Variants in RBMX2 observed in about 807,000 individuals in gnomAD.
The protein encoded by RBMX2 is RNA binding motif protein X-linked 2.
For synonymous variants in RBMX2, 77 were observed against 94.3 expected, an observed-to-expected ratio of 0.82 and a Z score of 1.07; for missense variants, 191 against 256.0, an observed-to-expected ratio of 0.75 and a Z score of 1.73.
Position 130,412,714 on chromosome X carries a change from T to TG in RBMX2, c.837dup (p.Tyr280ValfsTer2). The TG allele has an allele frequency of 8.3e-7, 1 of 1,210,575 alleles. No individual in the cohort carries two copies. Among genetic ancestry groups the TG allele is most frequent in the Non-Finnish European group, 1.1e-6 (1 of 895,230 alleles). ...GCGGAGCTCAGATGCACATTCTAGC[T>TG]GGTATAATGGGCGTTCTGAAGGGCG... On this transcript the variant is annotated frameshift_variant, in exon 6 of 6. Coordinates refer to ENST00000305536, the MANE Select transcript of RBMX2 (RefSeq NM_016024.4). LOFTEE classifies it low-confidence loss of function (END_TRUNC).
rs1569460456 is a variant in RBMX2 at position 130,411,400 on chromosome X, A to G, written c.356A>G (p.Lys119Arg). ...VDHVSNYRAP[K>R]DSEEIDDVTR... Reference sequence around the variant, plus strand: ...CATGTGTCTAACTATCGGGCTCCTAAGGACTCAGAAGAAATAGATGATGTG... The same window carrying G: ...CATGTGTCTAACTATCGGGCTCCTAGGGACTCAGAAGAAATAGATGATGTG... Residue 119 changes from lysine (K) to arginine (R), a missense_variant, in exon 5 of 6, where the codon AAG becomes AGG. Physicochemically the swap from Lys to Arg is conservative, Grantham distance 26. Coordinates refer to ENST00000305536, the MANE Select transcript of RBMX2 (RefSeq NM_016024.4). 1 of 1,208,672 alleles carries G rather than the reference A, an allele frequency of 8.3e-7. No individual in the cohort carries two copies. Among genetic ancestry groups the G allele is most frequent in the Non-Finnish European group, 1.1e-6 (1 of 893,948 alleles).
chrX:130,403,432 G>T (rs922987822), intron 2 of RBMX2, among the ~76,000 whole-genome samples: 1 of 112,066 alleles, frequency 8.9e-6, no homozygotes, highest in African/African-American at 3.2e-5. Flanking sequence ...GCAATGGCAC[G>T]ATCTCGGCGC....
intron 3 of RBMX2, among the ~76,000 whole-genome samples, chrX:130,408,130 C>CT (rs1295797453): frequency 5.7e-5 from 6 of 105,128 alleles, no homozygotes; most frequent in South Asian, 4.2e-4. Flanking sequence ...CATGCCTGGC[C>CT]TTTTTTTTTC....
At chrX:130,406,425 G>A (rs1318474151) in intron 3 of RBMX2, among the ~76,000 whole-genome samples, 1 of 109,588 alleles carries the variant, frequency 9.1e-6, no homozygotes, top group East Asian at 2.9e-4. Flanking sequence ...TGTAATCCTA[G>A]CACATTGGGA....
chrX:130,402,116 C>T, intron 1 of RBMX2, 79 bp downstream of exon 1: 1 of 1,171,186 alleles, frequency 8.5e-7, no homozygotes, highest in Non-Finnish European at 1.1e-6. Context: ...GGTAGAGCGT[C>T]TGCGGGGCCG....
chrX:130,402,242 C>CCCCCCCCT lies in RBMX2; in HGVS notation c.6-13_6-12insCCCCCCCT. 1 of 1,188,849 alleles carries CCCCCCCCT rather than the reference C, an allele frequency of 8.4e-7. No homozygotes were observed. The highest frequency in any genetic ancestry group is 2.3e-5 in the Admixed American group (1 of 43,237). ...TTCTGCCTACCCTCCCCACCCCCCC[C>CCCCCCCCT]GCCACCGTGAAGCCCTTTAACTAAG... On this transcript the variant is annotated splice_polypyrimidine_tract_variant and intron_variant, in intron 1 of 5. Coordinates refer to ENST00000305536, the MANE Select transcript of RBMX2 (RefSeq NM_016024.4).
rs1253542921 is a variant in RBMX2, at chrX:130,413,090, C to G, written c.*242C>G. The G allele has an allele frequency of 7.3e-6, 2 of 272,309 alleles. No homozygotes were observed. Among genetic ancestry groups the G allele is most frequent in the Non-Finnish European group, 1.3e-5 (2 of 157,623 alleles). The allele number at this position is 272,309 out of a possible 1,213,427, so 22.4% of individuals were successfully genotyped here. A position where few individuals can be genotyped will look rare whatever the true frequency, so the allele number is the denominator to read the frequency against. On this transcript the variant is annotated 3_prime_UTR_variant, in exon 6 of 6. Coordinates refer to ENST00000305536, the MANE Select transcript of RBMX2 (RefSeq NM_016024.4). ...TGAACTTTGGTTCATAAATATGGCT[C>G]TTGAACCCATAGACCCCAGTTGAAG...
At chrX:130,408,786 GTAAT>G (rs1405148433) in intron 3 of RBMX2, among the ~76,000 whole-genome samples, 1 of 112,092 alleles carries the variant, frequency 8.9e-6, no homozygotes, top group Non-Finnish European at 1.9e-5. Flanking sequence ...TTATAACAGA[GTAAT>G]TATGTATATT....
rs369802518 is a variant in RBMX2 at position 130,413,560 on chromosome X, C to T, written c.*712C>T. 1.8e-5 allele frequency among the ~76,000 whole-genome samples: 2 copies of T among 110,357 alleles called. No individual in the cohort carries two copies. The highest frequency in any genetic ancestry group is 3.3e-5 in the African/African-American group (1 of 30,325). On this transcript the variant is annotated 3_prime_UTR_variant, in exon 6 of 6. Transcript: ENST00000305536. ...CTGTAGCCATTAAACAAGAGCTCCC[C>T]GTTTCCTCCCTCCTCCCTGTCCCTA...
intron 3 of RBMX2, 117 bp from the exon 4 acceptor site, chrX:130,409,140 C>T: frequency 1.7e-6 from 1 of 578,811 alleles, no homozygotes; most frequent in Non-Finnish European, 2.5e-6. Context: ...TCTATGTCAT[C>T]TTGTTCTAGA....
At chrX:130,405,551 T>C (rs1288227492) in intron 3 of RBMX2, among the ~76,000 whole-genome samples, 1 of 111,621 alleles carries the variant, frequency 9.0e-6, no homozygotes. Flanking sequence ...TAAAAAAATG[T>C]TGGACATTAT....
At chrX:130,407,665 CTT>C (rs1019718080) in intron 3 of RBMX2, among the ~76,000 whole-genome samples, 8 of 100,053 alleles carry the variant, frequency 8.0e-5, no homozygotes, top group Non-Finnish European at 6.1e-5. Context: ...AATGTTTTTT[CTT>C]TTTTTTTTTT....
At chrX:130,411,139 C>T (rs1250376955) in intron 4 of RBMX2, 5 of 304,455 alleles carry the variant, frequency 1.6e-5, no homozygotes, top group Non-Finnish European at 2.8e-5. Flanking sequence ...CTGCCCCAGG[C>T]CTCATCTGGC....
chrX:130,403,891 G>C, intron 3 of RBMX2, 38 bp downstream of exon 3: 6 of 1,171,349 alleles, frequency 5.1e-6, no homozygotes, highest in Non-Finnish European at 7.0e-6. Flanking sequence ...TGAGTCGACA[G>C]AGTACTTTGT....
chrX:130,402,225 A>ACCCACCCCCCCC, intron 1 of RBMX2, 30 bp from the exon 2 acceptor site: 4 of 984,754 alleles, frequency 4.1e-6, no homozygotes, highest in Non-Finnish European at 5.6e-6. Flanking sequence ...TTTTCTGCCT[A>ACCCACCCCCCCC]CCCTCCCCAC....
chrX:130,402,224 T>TTCCC, intron 1 of RBMX2, 31 bp from the exon 2 acceptor site: 67 of 1,174,102 alleles, frequency 5.7e-5, no homozygotes, highest in Non-Finnish European at 7.0e-5. Flanking sequence ...CTTTTCTGCC[T>TTCCC]ACCCTCCCCA....
rs2034520703 is a variant in RBMX2 at position 130,412,711 on chromosome X, A to G, written c.832A>G (p.Ser278Gly). Residue 278 changes from serine to glycine, a missense_variant, in exon 6 of 6, where the codon AGC (serine) becomes GGC (glycine). Physicochemically the swap from Ser to Gly is moderately conservative, Grantham distance 56. Coordinates refer to ENST00000305536, the MANE Select transcript of RBMX2 (RefSeq NM_016024.4). ...AGGGCGGAGCTCAGATGCACATTCTAGCTGGTATAATGGGCGTTCTGAAGG... is the reference window on the plus strand; with the variant it reads ...AGGGCGGAGCTCAGATGCACATTCTGGCTGGTATAATGGGCGTTCTGAAGG... ...DRGRSSDAHS[S>G]WYNGRSEGRS... 1.7e-6 allele frequency: 2 copies of G among 1,210,869 alleles called. No individual in the cohort carries two copies. Among genetic ancestry groups the G allele is most frequent in the South Asian group, 1.8e-5 (1 of 56,915 alleles).
chrX:130,402,238 C>T lies in RBMX2; in HGVS notation c.6-17C>T, dbSNP rs367934795. The T allele has an allele frequency of 8.5e-6, 10 of 1,180,865 alleles. No individual in the cohort carries two copies. Among genetic ancestry groups the T allele is most frequent in the Middle Eastern group, 2.9e-4 (1 of 3,461 alleles). ...GCTTTTCTGCCTACCCTCCCCACCC[C>T]CCCCGCCACCGTGAAGCCCTTTAAC... is the stretch of plus-strand genomic sequence containing the variant. On this transcript the variant is annotated splice_polypyrimidine_tract_variant and intron_variant, in intron 1 of 5. Transcript: ENST00000305536.
Position 130,411,403 on chromosome X carries a change from A to G in RBMX2, c.359A>G (p.Asp120Gly). 8.3e-7 allele frequency: 1 copy of G among 1,208,590 alleles called. No individual in the cohort carries two copies. The highest frequency in any genetic ancestry group is 1.1e-6 in the Non-Finnish European group (1 of 893,955). Residue 120 changes from aspartate to glycine, a missense_variant, in exon 5 of 6, where the codon GAC (aspartate) becomes GGC (glycine). By Grantham distance (94) the Asp-to-Gly change is moderately conservative. Transcript: ENST00000305536. ...GTGTCTAACTATCGGGCTCCTAAGG[A>G]CTCAGAAGAAATAGATGATGTGACC... ...DHVSNYRAPK[D>G]SEEIDDVTRQ...
Sources: allele counts gnomAD v4.1 joint callset (sites outside exome capture counted in the v4.1 genomes callset), GRCh38; gene constraint gnomAD v4.1.1; transcripts MANE v1.5; gene names NCBI Gene and HGNC (gene_info 2026-07-23, HGNC 2026-07-21).